Variants in BAZ2B observed in about 807,000 individuals in gnomAD.
BAZ2B encodes bromodomain adjacent to zinc finger domain protein 2B.
In BAZ2B, 91 loss-of-function variants were observed where a neutral mutation model predicts 246.0. That is an observed-to-expected ratio of 0.37 (90% CI 0.31 to 0.44). The LOEUF (loss-of-function observed/expected upper bound fraction) is 0.44, where lower values mean the gene tolerates loss of function less well. Among genes scored for constraint, BAZ2B ranks in the 20% least tolerant of loss-of-function variants. The pLI, the probability that BAZ2B is intolerant of heterozygous loss-of-function variation, is 1.00. For missense variants in BAZ2B, 2,332 were observed against 2,533.7 expected, an observed-to-expected ratio of 0.92 and a Z score of 1.71; for synonymous variants, 855 against 860.0, an observed-to-expected ratio of 0.99 and a Z score of 0.10.
At chr2:159,390,056 T>C (rs2063141643) in intron 20 of BAZ2B, among the ~76,000 whole-genome samples, 1 of 152,174 alleles carries the variant, frequency 6.6e-6, no homozygotes, top group Admixed American at 6.6e-5. Context: ...GGAATGACTT[T>C]GTTGGAGCAA....
the BAZ2B span, among the ~76,000 whole-genome samples, chr2:159,704,289 C>T: frequency 6.6e-6 from 1 of 152,108 alleles, no homozygotes; most frequent in Non-Finnish European, 1.5e-5. Flanking sequence ...TATTCAATGG[C>T]TTTATCCAAC....
At chr2:159,663,301 A>C in the BAZ2B span, among the ~76,000 whole-genome samples, 1 of 150,778 alleles carries the variant, frequency 6.6e-6, no homozygotes, top group South Asian at 2.1e-4. Context: ...TCCCAGGCTC[A>C]AGCAATTCTC....
intron 2 of BAZ2B, among the ~76,000 whole-genome samples, chr2:159,534,972 A>T (rs990915311): frequency 6.6e-6 from 1 of 152,232 alleles, no homozygotes; most frequent in African/African-American, 2.4e-5. Context: ...AACGTAAAAA[A>T]GGGAAAAGTT....
intron 2 of BAZ2B, among the ~76,000 whole-genome samples, chr2:159,479,719 G>C (rs774649501): frequency 1.3e-5 from 2 of 152,078 alleles, no homozygotes; most frequent in Non-Finnish European, 2.9e-5. Flanking sequence ...GCTAGTGTTT[G>C]CCTAATTGTT....
chr2:159,471,142 T>C (rs1033883409), intron 3 of BAZ2B, among the ~76,000 whole-genome samples: 1 of 152,158 alleles, frequency 6.6e-6, no homozygotes, highest in Non-Finnish European at 1.5e-5. Flanking sequence ...CTATGTCAAA[T>C]TCTGCTGAGG....
At chr2:159,674,199 G>C in the BAZ2B span, among the ~76,000 whole-genome samples, 3 of 151,714 alleles carry the variant, frequency 2.0e-5, no homozygotes, top group Non-Finnish European at 2.9e-5. Context: ...CCTGAGTGTG[G>C]TGGCATGTGC....
chr2:159,440,517 G>T (rs80185955), intron 6 of BAZ2B, among the ~76,000 whole-genome samples: 64,841 of 138,922 alleles, frequency 0.47, 16,169 homozygotes, highest in Middle Eastern at 0.59. Flanking sequence ...AATGACTCTT[G>T]TTTTTTTTTT....
intron 1 of BAZ2B, among the ~76,000 whole-genome samples, chr2:159,610,389 T>C (rs1387683507): frequency 5.3e-5 from 8 of 152,226 alleles, no homozygotes; most frequent in Admixed American, 5.2e-4. Flanking sequence ...AGAGCTTCAG[T>C]ACACCGTTCT....
At chr2:159,699,562 G>A in the BAZ2B span, among the ~76,000 whole-genome samples, 3 of 151,980 alleles carry the variant, frequency 2.0e-5, no homozygotes, top group Non-Finnish European at 4.4e-5. Context: ...AAAGAGCTGG[G>A]GTTAGAAACA....
the BAZ2B span, among the ~76,000 whole-genome samples, chr2:159,644,954 T>C: frequency 5.6e-4 from 85 of 152,310 alleles, no homozygotes; most frequent in African/African-American, 1.9e-3. Context: ...GGAGGACCTA[T>C]GCTATATTTT....
At chr2:159,457,921 G>A (rs1486824893) in intron 3 of BAZ2B, among the ~76,000 whole-genome samples, 1 of 152,052 alleles carries the variant, frequency 6.6e-6, no homozygotes, top group Admixed American at 6.6e-5. Flanking sequence ...GTCTGTAAAA[G>A]GAAAGTTTTC....
chr2:159,368,993 T>C (rs972181479), intron 27 of BAZ2B, among the ~76,000 whole-genome samples: 19 of 152,192 alleles, frequency 1.2e-4, no homozygotes, highest in Admixed American at 9.8e-4. Flanking sequence ...TAAAGTACTA[T>C]CCTTCCAACA....
chr2:159,344,025 C>G (rs1376024945), intron 31 of BAZ2B, among the ~76,000 whole-genome samples: 1 of 28,110 alleles, frequency 3.6e-5, no homozygotes, highest in Admixed American at 6.9e-4. Flanking sequence ...AAGACTCCAT[C>G]TCAAAAAAAA....
chr2:159,438,466 G>C lies in BAZ2B; in HGVS notation c.1130C>G (p.Ser377Cys). The change falls in exon 8 of 37, where the codon TCT (serine) becomes TGT (cysteine). Residue 377 changes from serine to cysteine, a missense_variant. This residue lies in a region of BAZ2B where 161 missense variants were observed against 225.8 expected (regional missense o/e 0.71). Coordinates refer to ENST00000392783, the MANE Select transcript of BAZ2B (RefSeq NM_013450.4). The part of the protein sequence containing the change: ...SVNKHTSVIQ[S>C]TGLVSNVKPL... ...TTTCACATTGGACACCAATCCCGTA[G>C]ACTGTATTACACTGGTGTGTTTGTT... The C allele has an allele frequency of 2.5e-6, 4 of 1,614,156 alleles. No homozygotes were observed. Among genetic ancestry groups the C allele is most frequent in the East Asian group, 4.5e-5 (2 of 44,876 alleles).
intron 13 of BAZ2B, among the ~76,000 whole-genome samples, chr2:159,419,600 A>T (rs186606893): frequency 6.9e-4 from 105 of 152,322 alleles, no homozygotes; most frequent in African/African-American, 2.4e-3. Flanking sequence ...ATCTATTAAA[A>T]ACAAGTGAGA....
intron 13 of BAZ2B, among the ~76,000 whole-genome samples, chr2:159,415,301 C>G (rs188021852): frequency 6.6e-6 from 1 of 151,852 alleles, no homozygotes; most frequent in Non-Finnish European, 1.5e-5. Context: ...AAAAATTAGC[C>G]GGGCGTGGTG....
At chr2:159,428,217 A>G (rs1002926637) in intron 12 of BAZ2B, 94 bp downstream of exon 12, 24 of 1,194,170 alleles carry the variant, frequency 2.0e-5, no homozygotes, top group Non-Finnish European at 2.7e-5. Flanking sequence ...TTTAGTATCA[A>G]GGAACTTTAT....
chr2:159,642,443 A>G, the BAZ2B span, among the ~76,000 whole-genome samples: 141,831 of 151,738 alleles, frequency 0.93, 66,410 homozygotes, highest in Middle Eastern at 0.97. Flanking sequence ...TCATCACGTT[A>G]GCCAGGCTGG....
At chr2:159,343,188 T>C (rs562715638) in intron 31 of BAZ2B, among the ~76,000 whole-genome samples, 1 of 152,180 alleles carries the variant, frequency 6.6e-6, no homozygotes, top group Non-Finnish European at 1.5e-5. Context: ...CTTCAATAAA[T>C]GGTGCCAGGA....
Sources: allele counts gnomAD v4.1 joint callset (sites outside exome capture counted in the v4.1 genomes callset), GRCh38; gene constraint gnomAD v4.1.1; regional missense constraint gnomAD v4.1.1; transcripts MANE v1.5; gene names NCBI Gene and HGNC (gene_info 2026-07-23, HGNC 2026-07-21).